The following MEGF10 variants were observed in gnomAD, a reference collection of about 807,000 sequenced individuals.
MEGF10 encodes multiple epidermal growth factor-like domains protein 10.
Under a neutral mutation model 147.5 loss-of-function variants are expected in MEGF10, and 86 were observed. The observed-to-expected ratio is 0.58, with a 90% CI of 0.49 to 0.70. The LOEUF (loss-of-function observed/expected upper bound fraction) is 0.70. Among genes scored for constraint, MEGF10 ranks in the 30% least tolerant of loss-of-function variants. The probability of loss-of-function intolerance (pLI) is 0.00; values close to 1 mark genes in which losing one functional copy is unlikely to be tolerated. For synonymous variants in MEGF10, 478 were observed against 525.5 expected, an observed-to-expected ratio of 0.91 and a Z score of 1.24; for missense variants, 1,329 against 1,487.3, an observed-to-expected ratio of 0.89 and a Z score of 1.75.
intron 4 of MEGF10, among the ~76,000 whole-genome samples, chr5:127,343,441 A>G (rs539663464): frequency 6.6e-6 from 1 of 151,766 alleles, no homozygotes; most frequent in South Asian, 2.1e-4. Flanking sequence ...GAGGCTTGAC[A>G]TGGAACTGCC....
chr5:127,413,446 T>C (rs775113253), intron 9 of MEGF10, among the ~76,000 whole-genome samples: 2 of 152,186 alleles, frequency 1.3e-5, no homozygotes, highest in Non-Finnish European at 2.9e-5. Flanking sequence ...ATTAATAACA[T>C]CTAAGGAAAT....
chr5:127,380,102 A>C (rs533253405), intron 5 of MEGF10, among the ~76,000 whole-genome samples: 14 of 148,844 alleles, frequency 9.4e-5, no homozygotes, highest in Admixed American at 8.1e-4. Context: ...CCCCTCCAGG[A>C]TGTAAGCCCC....
the MEGF10 span, among the ~76,000 whole-genome samples, chr5:127,251,388 T>C: frequency 6.6e-6 from 1 of 152,018 alleles, no homozygotes; most frequent in East Asian, 1.9e-4. Flanking sequence ...TTGGTTTCCT[T>C]ATGCGTAAAA....
At chr5:127,345,090 AAACT>A (rs1239789312) in intron 4 of MEGF10, among the ~76,000 whole-genome samples, 2 of 152,176 alleles carry the variant, frequency 1.3e-5, no homozygotes, top group Non-Finnish European at 2.9e-5. Flanking sequence ...ATTCACATGG[AAACT>A]GTCCCAGGAC....
At chr5:127,351,518 C>T (rs987474071) in intron 4 of MEGF10, among the ~76,000 whole-genome samples, 1 of 152,088 alleles carries the variant, frequency 6.6e-6, no homozygotes, top group African/African-American at 2.4e-5. Context: ...TTTTATTTAT[C>T]CCTTTGCATG....
intron 5 of MEGF10, among the ~76,000 whole-genome samples, chr5:127,389,300 GA>G (rs1449608117): frequency 1.3e-5 from 2 of 152,296 alleles, no homozygotes; most frequent in African/African-American, 4.8e-5. Flanking sequence ...AGGTTGTTGG[GA>G]AAAGGGAATA....
chr5:127,414,400 G>A (rs759705791), intron 9 of MEGF10, among the ~76,000 whole-genome samples: 2 of 151,834 alleles, frequency 1.3e-5, no homozygotes, highest in Non-Finnish European at 2.9e-5. Context: ...TGAACTAAAT[G>A]GTGCTCAGCA....
At position 127,420,124 on chromosome 5, in the gene MEGF10, A is replaced by C. The variant is rs1227339491; in HGVS notation, c.1507A>C (p.Asn503His). 1 of 1,614,214 alleles carries C rather than the reference A, an allele frequency of 6.2e-7. No homozygotes were observed. Among genetic ancestry groups the C allele is most frequent in the East Asian group, 2.2e-5 (1 of 44,878 alleles). Residue 503 changes from asparagine to histidine, a missense_variant, in exon 12 of 25, where the codon AAC becomes CAC. Around this residue, in one of 3 missense-constraint regions of MEGF10, gnomAD observed 980 missense variants for 1,085.9 expected, o/e 0.90. Coordinates refer to ENST00000503335, the MANE Select transcript of MEGF10 (RefSeq NM_001256545.2). ...FGCNLTCQCL[N>H]GGACNTLDGT... is the part of the protein sequence containing the mutation. ...CTGTAACTTAACATGCCAGTGCCTC[A>C]ACGGGGGAGCCTGCAACACCCTGGA...
intron 5 of MEGF10, among the ~76,000 whole-genome samples, chr5:127,385,329 C>T (rs1330425745): frequency 2.0e-5 from 3 of 151,738 alleles, no homozygotes; most frequent in Non-Finnish European, 2.9e-5. Context: ...AACAGAGTCT[C>T]ACTCTGTTGC....
At chr5:127,419,329 G>T in intron 11 of MEGF10, 89 bp downstream of exon 11, 2 of 1,473,686 alleles carry the variant, frequency 1.4e-6, no homozygotes, top group Non-Finnish European at 1.8e-6. Context: ...CAGGGTTCTA[G>T]CTCCAGTTGC....
chr5:127,386,379 T>A (rs989380441), intron 5 of MEGF10, among the ~76,000 whole-genome samples: 1 of 152,196 alleles, frequency 6.6e-6, no homozygotes, highest in Non-Finnish European at 1.5e-5. Flanking sequence ...CTGTCCAGAT[T>A]TTATTTATGA....
chr5:127,442,477 G>A (rs1467449253), intron 18 of MEGF10, among the ~76,000 whole-genome samples: 3 of 152,192 alleles, frequency 2.0e-5, no homozygotes, highest in Non-Finnish European at 4.4e-5. Context: ...AGCAAATGAA[G>A]TTCTTACCTA....
chr5:127,267,317 A>C, the MEGF10 span, among the ~76,000 whole-genome samples: 1 of 152,150 alleles, frequency 6.6e-6, no homozygotes, highest in African/African-American at 2.4e-5. Flanking sequence ...TGCTGGATTC[A>C]TTTTGCCAGT....
At chr5:127,423,475 T>C (rs1229776575) in intron 13 of MEGF10, among the ~76,000 whole-genome samples, 1 of 152,226 alleles carries the variant, frequency 6.6e-6, no homozygotes, top group Admixed American at 6.5e-5. Flanking sequence ...TTGTTCTTCT[T>C]CTAGGACTAC....
intron 5 of MEGF10, among the ~76,000 whole-genome samples, chr5:127,379,971 C>T (rs185113450): frequency 1.3e-5 from 2 of 152,112 alleles, no homozygotes; most frequent in Non-Finnish European, 2.9e-5. Flanking sequence ...TATCTCTGAC[C>T]TCCATATGCA....
chr5:127,270,802 T>C, the MEGF10 span, among the ~76,000 whole-genome samples: 1 of 152,206 alleles, frequency 6.6e-6, no homozygotes, highest in Non-Finnish European at 1.5e-5. Context: ...CTCCCACTTA[T>C]AAGTGAGAAC....
the MEGF10 span, among the ~76,000 whole-genome samples, chr5:127,247,395 GAAGAAGAAGAAGAAGAA>G: frequency 4.8e-5 from 2 of 41,872 alleles, no homozygotes; most frequent in African/African-American, 2.2e-4. Context: ...AGAAGAAGAA[GAAGAAGAAGAAGAAGAA>G]GAAGAAGAAG....
the MEGF10 span, among the ~76,000 whole-genome samples, chr5:127,277,201 A>G: frequency 1.3e-5 from 2 of 152,168 alleles, no homozygotes; most frequent in African/African-American, 4.8e-5. Context: ...GAGTTTTTGG[A>G]TGTAGATGGC....
At chr5:127,409,850 C>G (rs761705704) in intron 8 of MEGF10, 9 of 157,052 alleles carry the variant, frequency 5.7e-5, no homozygotes, top group Non-Finnish European at 9.9e-5. Flanking sequence ...AGTTAAAGAA[C>G]TTTCTAACTG....
Sources: allele counts gnomAD v4.1 joint callset (sites outside exome capture counted in the v4.1 genomes callset), GRCh38; gene constraint gnomAD v4.1.1; regional missense constraint gnomAD v4.1.1; transcripts MANE v1.5; gene names NCBI Gene and HGNC (gene_info 2026-07-23, HGNC 2026-07-21).